Variants in PCDHA13 observed in about 807,000 individuals in gnomAD.
The protein encoded by PCDHA13 is protocadherin alpha-13.
PCDHA13 carries 54 observed loss-of-function variants against 64.8 expected under a neutral mutation model. The observed-to-expected ratio is 0.83, with a 90% confidence interval of 0.67 to 1.04. The LOEUF (loss-of-function observed/expected upper bound fraction) is 1.04, where lower values mean the gene tolerates loss of function less well. Ranked by LOEUF, PCDHA13 falls within the 50% of genes least tolerant of loss-of-function variation. The probability of loss-of-function intolerance (pLI) is 0.00; values close to 1 mark genes in which losing one functional copy is unlikely to be tolerated. For synonymous variants in PCDHA13, 587 were observed against 564.4 expected, an observed-to-expected ratio of 1.04 and a Z score of -0.57; for missense variants, 1,248 against 1,254.3, an observed-to-expected ratio of 0.99 and a Z score of 0.08.
chr5:140,969,040 A>G (rs1554231380), intron 1 of PCDHA13: 1 of 1,614,150 alleles, frequency 6.2e-7, no homozygotes. Context: ...AACTGTACAA[A>G]CAAGCCAACA....
At chr5:140,928,856 T>G (rs540865490) in intron 1 of PCDHA13, 1 of 1,614,218 alleles carries the variant, frequency 6.2e-7, no homozygotes, top group African/African-American at 1.3e-5. Context: ...CTGGGTGTGC[T>G]GTTGAGCAAC....
chr5:140,909,171 T>C (rs2074353484), intron 1 of PCDHA13, among the ~76,000 whole-genome samples: 1 of 152,208 alleles, frequency 6.6e-6, no homozygotes, highest in Non-Finnish European at 1.5e-5. Flanking sequence ...ATCAATCAAG[T>C]TCTCTCCAAA....
chr5:141,005,499 C>T (rs1399657712), intron 3 of PCDHA13, among the ~76,000 whole-genome samples: 1 of 151,380 alleles, frequency 6.6e-6, no homozygotes, highest in Non-Finnish European at 1.5e-5. Context: ...GTCAGGAGAT[C>T]GAGACCATCC....
rs1554173926 is a variant in PCDHA13 at position 140,882,397 on chromosome 5, C to T, written c.129C>T (p.Thr43=). 1 of 1,614,190 alleles carries T rather than the reference C, an allele frequency of 6.2e-7. No homozygotes were observed. Among genetic ancestry groups the T allele is most frequent in the South Asian group, 1.1e-5 (1 of 91,082 alleles). The change falls in exon 1 of 4, where the codon ACC becomes ACT. Residue 43 remains threonine, a synonymous_variant. Coordinates refer to ENST00000289272, the MANE Select transcript of PCDHA13 (RefSeq NM_018904.3). Reference sequence around the variant, plus strand: ...TCCCCGAGGAAGCAAAACACGGCACCTTCGTGGGCCGCATCGCTCAGGACC... The same window carrying T: ...TCCCCGAGGAAGCAAAACACGGCACTTTCGTGGGCCGCATCGCTCAGGACC... The part of the protein sequence containing the change: ...YSVPEEAKHG[T]FVGRIAQDLG...
chr5:140,953,961 G>C lies in PCDHA13; in HGVS notation c.2395-24988G>C, dbSNP rs140078691. ...CCCATTGCTCCCCCAACAGGCCCCA[G>C]TGTGTGTTGTTCCCCTTCATATTTT... On this transcript the variant is annotated intron_variant, in intron 1 of 3. Coordinates refer to ENST00000289272, the MANE Select transcript of PCDHA13 (RefSeq NM_018904.3). 1.0e-3 allele frequency among the ~76,000 whole-genome samples: 152 copies of C among 152,128 alleles called. 3 individuals are homozygous for C. In the East Asian group the frequency reaches 0.026, roughly 26 times the overall value.
intron 1 of PCDHA13, among the ~76,000 whole-genome samples, chr5:140,933,965 T>A (rs1400091615): frequency 2.6e-5 from 4 of 152,064 alleles, no homozygotes; most frequent in Non-Finnish European, 5.9e-5. Flanking sequence ...GTAGTGATGT[T>A]TCCCTTTTCA....
intron 1 of PCDHA13, chr5:140,927,277 GTGCAGC>G: frequency 6.2e-7 from 1 of 1,614,016 alleles, no homozygotes; most frequent in Non-Finnish European, 8.5e-7. Flanking sequence ...TGCCGGCGAC[GTGCAGC>G]TGCACATCCC....
Position 140,884,070 on chromosome 5 carries a change from C to T in PCDHA13, c.1802C>T (p.Ser601Leu). Residue 601 changes from serine to leucine, a missense_variant, in exon 1 of 4, where the codon TCG (serine) becomes TTG (leucine). By Grantham distance (145) the Ser-to-Leu change is moderately radical. Coordinates refer to ENST00000289272, the MANE Select transcript of PCDHA13 (RefSeq NM_018904.3). ...AAGGTGCGCGCGGTGGACGCCGATTCGGGCTACAATGCGTGGCTTTCGTAT... is the reference window on the plus strand; with the variant it reads ...AAGGTGCGCGCGGTGGACGCCGATTTGGGCTACAATGCGTGGCTTTCGTAT... ...VAKVRAVDAD[S>L]GYNAWLSYEL... 1.2e-6 allele frequency: 2 copies of T among 1,613,516 alleles called. No homozygotes were observed. The highest frequency in any genetic ancestry group is 1.7e-6 in the Non-Finnish European group (2 of 1,179,758).
chr5:140,925,100 A>AGGAG (rs1217709299), intron 1 of PCDHA13, among the ~76,000 whole-genome samples: 12 of 151,586 alleles, frequency 7.9e-5, no homozygotes, highest in Admixed American at 1.3e-4. Context: ...GAAGGAAGGA[A>AGGAG]GGAAGGAGGG....
Position 140,882,180 on chromosome 5 carries a change from AG to A in PCDHA13, c.-87del, listed in dbSNP as rs2058993159. On this transcript the variant is annotated 5_prime_UTR_variant, in exon 1 of 4. Transcript: ENST00000289272. ...TACCTCTTGCGAATCCTTCCGCACT[AG>A]GAAGCCATAAAAATTGGGCCTTGAG... The A allele has an allele frequency of 6.6e-7, 1 of 1,518,026 alleles. No homozygotes were observed. The allele number at this position is 1,518,026 out of a possible 1,614,324, so 94.0% of individuals were successfully genotyped here.
At chr5:140,889,054 T>C in intron 1 of PCDHA13, among the ~76,000 whole-genome samples, 1 of 152,100 alleles carries the variant, frequency 6.6e-6, no homozygotes, top group Non-Finnish European at 1.5e-5. Flanking sequence ...TTTATAATCC[T>C]TTTAATATAC....
At chr5:140,938,705 A>G (rs1554212312) in intron 1 of PCDHA13, among the ~76,000 whole-genome samples, 1 of 152,150 alleles carries the variant, frequency 6.6e-6, no homozygotes, top group African/African-American at 2.4e-5. Context: ...ATATATGTTT[A>G]TGATAGAAAC....
intron 3 of PCDHA13, among the ~76,000 whole-genome samples, chr5:140,984,456 C>T (rs545706582): frequency 8.5e-5 from 13 of 152,286 alleles, no homozygotes; most frequent in African/African-American, 3.1e-4. Context: ...TTCTTACTGT[C>T]CCAGCCCCTC....
At chr5:140,900,572 G>A (rs1244478745) in intron 1 of PCDHA13, among the ~76,000 whole-genome samples, 3 of 152,068 alleles carry the variant, frequency 2.0e-5, no homozygotes, top group Non-Finnish European at 4.4e-5. Flanking sequence ...CCACGGCACC[G>A]GCCCATTTTC....
At chr5:140,936,925 T>C (rs1554211273) in intron 1 of PCDHA13, among the ~76,000 whole-genome samples, 2 of 152,208 alleles carry the variant, frequency 1.3e-5, no homozygotes, top group African/African-American at 2.4e-5. Context: ...AAATATGGGG[T>C]ATATTGAAAA....
At chr5:140,974,690 T>G (rs2096636717) in intron 1 of PCDHA13, among the ~76,000 whole-genome samples, 4 of 152,236 alleles carry the variant, frequency 2.6e-5, no homozygotes, top group Admixed American at 2.6e-4. Context: ...TTTGTATTTT[T>G]GGGTTTCACC....
intron 3 of PCDHA13, among the ~76,000 whole-genome samples, chr5:140,994,709 A>C (rs1436733940): frequency 6.6e-6 from 1 of 152,166 alleles, no homozygotes; most frequent in Non-Finnish European, 1.5e-5. Flanking sequence ...TGTCTCAAAA[A>C]AAAATTTAAA....
chr5:140,973,574 C>T (rs1485415780), intron 1 of PCDHA13, among the ~76,000 whole-genome samples: 1 of 152,218 alleles, frequency 6.6e-6, no homozygotes, highest in African/African-American at 2.4e-5. Flanking sequence ...AATTTTTCTA[C>T]AGACTGCTGA....
intron 3 of PCDHA13, among the ~76,000 whole-genome samples, 199 bp downstream of exon 3, chr5:140,982,762 TAAC>T (rs1210027762): frequency 6.6e-6 from 1 of 152,130 alleles, no homozygotes; most frequent in Non-Finnish European, 1.5e-5. Context: ...TGAAAAAGGA[TAAC>T]AAGGAAAGTG....
Sources: allele counts gnomAD v4.1 joint callset (sites outside exome capture counted in the v4.1 genomes callset), GRCh38; gene constraint gnomAD v4.1.1; transcripts MANE v1.5; gene names NCBI Gene and HGNC (gene_info 2026-07-23, HGNC 2026-07-21).